The following ADAMTSL1 variants were observed in gnomAD, a reference collection of about 807,000 sequenced individuals.
The protein encoded by ADAMTSL1 is ADAMTS-like protein 1.
In ADAMTSL1, 126 loss-of-function variants were observed where a neutral mutation model predicts 201.8. The observed-to-expected ratio is 0.62, with a 90% CI of 0.54 to 0.72. ADAMTSL1 has a LOEUF of 0.72. Ranked by LOEUF, ADAMTSL1 falls within the 30% of genes least tolerant of loss-of-function variation. ADAMTSL1 has a pLI of 0.00. For missense variants in ADAMTSL1, 2,679 were observed against 2,277.8 expected (o/e 1.18, Z -3.59); for synonymous variants, 1,121 against 903.4 (o/e 1.24, Z -4.32).
chr9:18,885,377 G>T (rs1295495153), intron 23 of ADAMTSL1, among the ~76,000 whole-genome samples: 1 of 152,210 alleles, frequency 6.6e-6, no homozygotes, highest in Non-Finnish European at 1.5e-5. Flanking sequence ...AGTTTTGGAG[G>T]AGACAAATAT....
In ADAMTSL1 at chr9:18,828,661, TATATA is replaced by T. The variant is rs202034870; in HGVS notation, c.4115-1181_4115-1177del. On this transcript the variant is annotated intron_variant, in intron 22 of 28. Transcript: ENST00000380548. ...AAAAGGATTCTTTTGAAAGTATATT[TATATA>T]TATATATATATATATATATATATAT... Among the ~76,000 whole-genome samples, 89 of 60,438 alleles carry T rather than the reference TATATA, an allele frequency of 1.5e-3. 9 individuals are homozygous for T. Among genetic ancestry groups the T allele is most frequent in the Middle Eastern group, 0.019 (2 of 104 alleles). 39.6% of individuals were successfully genotyped at this position (60,438 alleles called of 152,430 possible).
chr9:18,314,533 GTTCC>G (rs1262679158), intron 2 of ADAMTSL1, among the ~76,000 whole-genome samples: 1 of 150,502 alleles, frequency 6.6e-6, no homozygotes, highest in Non-Finnish European at 1.5e-5. Context: ...GTCCAGAGTT[GTTCC>G]TTCCTCCCGT....
At chr9:18,035,522 A>G (rs942022451) in intron 1 of ADAMTSL1, among the ~76,000 whole-genome samples, 17 of 152,210 alleles carry the variant, frequency 1.1e-4, no homozygotes, top group African/African-American at 4.1e-4. Context: ...ATACTTATAC[A>G]ATTTACTTCC....
At position 18,458,832 on chromosome 9, in the gene ADAMTSL1, C is replaced by T. The variant is rs150062668; in HGVS notation, c.208-45997C>T. ...CATGAAATTCTAGAGCTTGAAGGGA[C>T]TTTAACAAATCTAGCCCAGCCCTTT... is the stretch of plus-strand genomic sequence containing the variant. On this transcript the variant is annotated intron_variant, in intron 2 of 29. Transcript: ENST00000680146. Among the ~76,000 whole-genome samples the T allele has an allele frequency of 7.2e-5, 11 of 152,262 alleles. No homozygotes were observed. The East Asian group carries it at 2.1e-3, about 29-fold the overall frequency.
intron 2 of ADAMTSL1, among the ~76,000 whole-genome samples, chr9:18,287,576 A>G (rs1833048342): frequency 8.1e-6 from 1 of 123,656 alleles, no homozygotes; most frequent in Non-Finnish European, 1.7e-5. Context: ...CATATATGTA[A>G]ATATATGTGT....
intron 2 of ADAMTSL1, among the ~76,000 whole-genome samples, chr9:18,442,728 A>G (rs1327167186): frequency 6.6e-6 from 1 of 152,162 alleles, no homozygotes; most frequent in African/African-American, 2.4e-5. Flanking sequence ...TTTTTCTTTT[A>G]TCTTTAAACG....
chr9:18,865,364 A>G (rs1827463273), intron 23 of ADAMTSL1, among the ~76,000 whole-genome samples: 2 of 152,330 alleles, frequency 1.3e-5, no homozygotes, highest in Middle Eastern at 3.4e-3. Flanking sequence ...TACAAAGGAC[A>G]TGAACTCATC....
chr9:18,036,431 T>C (rs949218378), intron 1 of ADAMTSL1, among the ~76,000 whole-genome samples: 9 of 152,196 alleles, frequency 5.9e-5, no homozygotes, highest in African/African-American at 2.2e-4. Context: ...GATAAATACT[T>C]TGTAAAGAAA....
chr9:18,675,809 A>G (rs1001678296), intron 9 of ADAMTSL1, 48 bp from the exon 10 acceptor site: 1 of 1,526,828 alleles, frequency 6.5e-7, no homozygotes, highest in Non-Finnish European at 9.0e-7. Context: ...TGTTTATTTT[A>G]TTGTGTGTAC....
intron 1 of ADAMTSL1, among the ~76,000 whole-genome samples, chr9:17,968,216 C>T (rs56263104): frequency 0.044 from 6,638 of 152,172 alleles, 222 homozygotes; most frequent in Non-Finnish European, 0.059. Flanking sequence ...TCTCATGATG[C>T]AATACGTATT....
chr9:18,063,054 T>TGTG (rs2131705406), intron 1 of ADAMTSL1, among the ~76,000 whole-genome samples: 1 of 152,214 alleles, frequency 6.6e-6, no homozygotes, highest in African/African-American at 2.4e-5. Context: ...TGTTGCCGGG[T>TGTG]GTGGTAGCTC....
intron 5 of ADAMTSL1, among the ~76,000 whole-genome samples, chr9:18,635,666 C>A (rs746672772): frequency 2.6e-5 from 4 of 152,054 alleles, no homozygotes; most frequent in East Asian, 1.9e-4. Flanking sequence ...ATTTTAAAAT[C>A]GAAAATGAAA....
intron 2 of ADAMTSL1, among the ~76,000 whole-genome samples, chr9:18,210,017 C>G (rs1414022639): frequency 1.3e-5 from 2 of 152,084 alleles, no homozygotes; most frequent in East Asian, 3.9e-4. Flanking sequence ...AAAACAAAGT[C>G]TGCTTTATAA....
chr9:18,760,667 A>G (rs11794380), intron 16 of ADAMTSL1, among the ~76,000 whole-genome samples: 26,161 of 152,186 alleles, frequency 0.17, 2,349 homozygotes, highest in Middle Eastern at 0.2. Flanking sequence ...ATTATGTCCA[A>G]AGGCACTTCA....
At chr9:18,624,617 C>A (rs1453003849) in intron 5 of ADAMTSL1, among the ~76,000 whole-genome samples, 1 of 152,030 alleles carries the variant, frequency 6.6e-6, no homozygotes, top group Non-Finnish European at 1.5e-5. Context: ...ATTCTCATGC[C>A]CATACCTTCT....
chr9:18,325,807 C>G (rs1834809197), intron 2 of ADAMTSL1, among the ~76,000 whole-genome samples: 1 of 151,244 alleles, frequency 6.6e-6, no homozygotes, highest in South Asian at 2.1e-4. Flanking sequence ...GTGATGCAAT[C>G]TCTGCTCACT....
At chr9:18,243,669 G>A (rs1233826744) in intron 2 of ADAMTSL1, among the ~76,000 whole-genome samples, 2 of 151,908 alleles carry the variant, frequency 1.3e-5, no homozygotes, top group Non-Finnish European at 2.9e-5. Context: ...CTTTCTCTAA[G>A]CATAAACTCA....
intron 22 of ADAMTSL1, among the ~76,000 whole-genome samples, chr9:18,828,702 T>TATA (rs1563836176): frequency 4.3e-4 from 28 of 65,512 alleles, no homozygotes; most frequent in African/African-American, 1.4e-3. Flanking sequence ...ATAAAATGTG[T>TATA]GTGTGTGTAT....
rs1215317403 is a variant in ADAMTSL1, at chr9:18,530,083, TC to T, written c.192-3163del. Among the ~76,000 whole-genome samples the T allele has an allele frequency of 8.5e-5, 13 of 152,330 alleles. No homozygotes were observed. The East Asian group carries it at 2.3e-3, about 27-fold the overall frequency. On this transcript the variant is annotated intron_variant, in intron 2 of 28. Transcript: ENST00000380548. ...TTTAAACTATTGAAACAAGTATTTT[TC>T]TGCTTTGTTTTGTTTAGGAAGCAGT... is the stretch of plus-strand genomic sequence containing the variant.
Sources: gnomAD v4.1 joint callset for allele counts (sites outside exome capture counted in the v4.1 genomes callset) on GRCh38, gnomAD v4.1.1 for gene constraint, MANE v1.5 for transcripts, NCBI Gene and HGNC (gene_info 2026-07-23, HGNC 2026-07-21) for gene names.